The following PTER variants were observed in gnomAD, a reference collection of about 807,000 sequenced individuals.
PTER encodes the protein phosphotriesterase related.
In PTER, 38 loss-of-function variants were observed where a neutral mutation model predicts 29.6. That is an observed-to-expected ratio of 1.28 (90% CI 0.99 to 1.68). The LOEUF (loss-of-function observed/expected upper bound fraction) is 1.68, where lower values mean the gene tolerates loss of function less well. PTER is among the 40% of genes most tolerant of loss of function. The pLI is 0.00. For synonymous variants in PTER, 172 were observed against 154.5 expected, an observed-to-expected ratio of 1.11 and a Z score of -0.84; for missense variants, 482 against 427.8, an observed-to-expected ratio of 1.13 and a Z score of -1.12.
intron 3 of PTER, among the ~76,000 whole-genome samples, chr10:16,492,438 C>T (rs1021208584): frequency 7.2e-5 from 11 of 152,096 alleles, no homozygotes; most frequent in South Asian, 4.1e-4. Context: ...CCTTGGCCTC[C>T]GGTCTAATAC....
At chr10:16,487,879 C>T (rs1205662921) in intron 3 of PTER, among the ~76,000 whole-genome samples, 1 of 152,080 alleles carries the variant, frequency 6.6e-6, no homozygotes, top group Admixed American at 6.5e-5. Flanking sequence ...CATAAACTAA[C>T]AGTCCTGCAA....
intron 3 of PTER, among the ~76,000 whole-genome samples, chr10:16,496,336 T>G (rs1836096685): frequency 6.6e-6 from 1 of 152,206 alleles, no homozygotes; most frequent in Non-Finnish European, 1.5e-5. Context: ...CCGAAGGTCT[T>G]GGTCTTCTGG....
chr10:16,482,478 G>A (rs1234938404), intron 1 of PTER, among the ~76,000 whole-genome samples: 1 of 152,148 alleles, frequency 6.6e-6, no homozygotes, highest in Admixed American at 6.5e-5. Context: ...GCATCTACAG[G>A]TATTTTTACC....
intron 1 of PTER, among the ~76,000 whole-genome samples, chr10:16,474,443 AT>A (rs1054136864): frequency 6.6e-6 from 1 of 151,890 alleles, no homozygotes; most frequent in African/African-American, 2.4e-5. Context: ...ACTTATTTTG[AT>A]TTTTTTTAGT....
chr10:16,479,623 A>G (rs1442457862), intron 1 of PTER, among the ~76,000 whole-genome samples: 1 of 152,180 alleles, frequency 6.6e-6, no homozygotes. Flanking sequence ...TTTGGGCCAG[A>G]CAGCACTTTT....
intron 3 of PTER, among the ~76,000 whole-genome samples, chr10:16,488,891 A>G (rs568701374): frequency 1.3e-5 from 2 of 152,298 alleles, no homozygotes; most frequent in Admixed American, 1.3e-4. Context: ...GGCATATGCC[A>G]TTGTACCTGG....
intron 1 of PTER, among the ~76,000 whole-genome samples, chr10:16,451,545 C>G (rs951110026): frequency 9.2e-5 from 14 of 152,098 alleles, no homozygotes; most frequent in African/African-American, 3.4e-4. Context: ...CCTGTCTCTA[C>G]TAAAAATACA....
intron 3 of PTER, among the ~76,000 whole-genome samples, chr10:16,488,770 A>C (rs1251630356): frequency 6.6e-6 from 1 of 152,012 alleles, no homozygotes; most frequent in East Asian, 1.9e-4. Flanking sequence ...CACCTGGCTA[A>C]TTTTTATATT....
At chr10:16,501,428 T>A (rs926654976) in intron 3 of PTER, among the ~76,000 whole-genome samples, 15 of 152,044 alleles carry the variant, frequency 9.9e-5, no homozygotes, top group African/African-American at 3.6e-4. Flanking sequence ...ATGATTACCA[T>A]AGTTCCTTTC....
intron 3 of PTER, among the ~76,000 whole-genome samples, chr10:16,499,948 G>T (rs530165530): frequency 3.3e-5 from 5 of 150,296 alleles, no homozygotes; most frequent in African/African-American, 4.9e-5. Flanking sequence ...TCTGTGTTTC[G>T]TCTCAAACTC....
At chr10:16,452,343 C>CTGGA (rs1834244115) in intron 1 of PTER, among the ~76,000 whole-genome samples, 1 of 150,372 alleles carries the variant, frequency 6.7e-6, no homozygotes, top group Non-Finnish European at 1.5e-5. Context: ...GTCACCCAGG[C>CTGGA]TGGAGTGCAG....
intron 1 of PTER, among the ~76,000 whole-genome samples, chr10:16,449,428 C>CTTTTTTCT (rs1834126572): frequency 9.8e-6 from 1 of 101,864 alleles, no homozygotes; most frequent in African/African-American, 4.0e-5. Context: ...CAATAATTTT[C>CTTTTTTCT]TTTTTTTTTT....
At chr10:16,448,541 C>G (rs1230901388) in intron 1 of PTER, among the ~76,000 whole-genome samples, 2 of 152,166 alleles carry the variant, frequency 1.3e-5, no homozygotes, top group African/African-American at 2.4e-5. Flanking sequence ...AGGCCCCACA[C>G]CGCTGGACCC....
chr10:16,481,096 A>G (rs1284040646), intron 1 of PTER, among the ~76,000 whole-genome samples: 1 of 152,208 alleles, frequency 6.6e-6, no homozygotes, highest in Non-Finnish European at 1.5e-5. Context: ...ATTGCAGTCT[A>G]TCCTCAGTCC....
intron 3 of PTER, among the ~76,000 whole-genome samples, chr10:16,496,354 G>T (rs964429454): frequency 6.6e-6 from 1 of 151,994 alleles, no homozygotes; most frequent in Non-Finnish European, 1.5e-5. Flanking sequence ...TGGTTCCCTC[G>T]CCTCCCTCCA....
intron 1 of PTER, among the ~76,000 whole-genome samples, chr10:16,441,948 T>TAA (rs1833865473): frequency 6.6e-6 from 1 of 152,152 alleles, no homozygotes; most frequent in African/African-American, 2.4e-5. Flanking sequence ...TTGTGTATGG[T>TAA]AAACACTGAG....
chr10:16,475,037 G>A (rs1013558790), intron 1 of PTER, among the ~76,000 whole-genome samples: 1 of 152,132 alleles, frequency 6.6e-6, no homozygotes, highest in African/African-American at 2.4e-5. Context: ...GAAGGAAGGA[G>A]GAAGCTCTTT....
chr10:16,437,940 T>C (rs1015442530), intron 1 of PTER, among the ~76,000 whole-genome samples: 2 of 152,182 alleles, frequency 1.3e-5, no homozygotes, highest in African/African-American at 4.8e-5. Flanking sequence ...TTAAAGAACT[T>C]TGGACCCAGA....
intron 1 of PTER, among the ~76,000 whole-genome samples, chr10:16,470,774 A>C (rs1052658474): frequency 2.6e-5 from 4 of 152,082 alleles, no homozygotes; most frequent in African/African-American, 9.7e-5. Flanking sequence ...TCTCAAAAAA[A>C]ACAAAAAAAA....
Sources: allele counts gnomAD v4.1 joint callset (sites outside exome capture counted in the v4.1 genomes callset), GRCh38; gene constraint gnomAD v4.1.1; transcripts MANE v1.5; gene names NCBI Gene and HGNC (gene_info 2026-07-23, HGNC 2026-07-21).